NRG4: variants seen among roughly 807,000 people sequenced by gnomAD.
NRG4 encodes the protein pro-neuregulin-4, membrane-bound isoform.
NRG4 carries 10 observed loss-of-function variants against 15.0 expected under a neutral mutation model. The observed-to-expected ratio is 0.67, with a 90% CI of 0.41 to 1.13. The LOEUF is 1.13. Ranked by LOEUF, NRG4 falls within the 50% of genes most tolerant of loss-of-function variation. The pLI, the probability that NRG4 is intolerant of heterozygous loss-of-function variation, is 0.00. For missense variants in NRG4, 139 were observed against 140.2 expected, an observed-to-expected ratio of 0.99 and a Z score of 0.04; for synonymous variants, 41 against 50.1, an observed-to-expected ratio of 0.82 and a Z score of 0.77.
At chr15:76,011,483 A>G (rs1337652932) in intron 1 of NRG4, among the ~76,000 whole-genome samples, 197 bp from the exon 2 acceptor site, 3 of 152,192 alleles carry the variant, frequency 2.0e-5, no homozygotes, top group Non-Finnish European at 4.4e-5. Context: ...GAACAAAACT[A>G]AAAGATCAAT....
At chr15:75,969,471 C>T (rs767632182) in intron 3 of NRG4, among the ~76,000 whole-genome samples, 3 of 152,180 alleles carry the variant, frequency 2.0e-5, no homozygotes, top group Non-Finnish European at 4.4e-5. Flanking sequence ...TTAGAGTATA[C>T]GTTGCCTTTC....
chr15:76,042,651 T>C lies in NRG4; in HGVS notation c.-104-6660A>G, dbSNP rs559572710. ...AACAGACTAATAACAACTAATAAGA[T>C]AGAAGCCATATTAAGAAGTCTCCCA... is the stretch of plus-strand genomic sequence containing the variant. On this transcript the variant is annotated intron_variant, in intron 4 of 8. Coordinates refer to the NRG4 transcript ENST00000563910. Among the ~76,000 whole-genome samples, 34 of 152,180 alleles carry C rather than the reference T, an allele frequency of 2.2e-4. No individual in the cohort carries two copies. The South Asian group carries it at 5.6e-3, about 25-fold the overall frequency.
upstream of NRG4, chr15:76,012,548 A>C (rs2034848815): frequency 6.6e-6 from 1 of 152,208 alleles, no homozygotes; most frequent in South Asian, 2.1e-4. Context: ...CAAATGGAGC[A>C]GAATTTTATT....
intron 3 of NRG4, among the ~76,000 whole-genome samples, chr15:75,964,152 A>AAC (rs150729499): frequency 7.9e-5 from 12 of 151,132 alleles, no homozygotes; most frequent in South Asian, 2.1e-4. Context: ...AACACACATA[A>AAC]ACACACACAC....
rs557316108 is a variant in NRG4, at chr15:76,046,620, A to G, written c.-105+5447T>C. Among the ~76,000 whole-genome samples, 11 of 151,454 alleles carry G rather than the reference A, an allele frequency of 7.3e-5. No individual in the cohort carries two copies. The South Asian group carries it at 2.1e-3, about 29-fold the overall frequency. ...ATGGGGAAAGGTTACCAGATGCAGA[A>G]GAATTTAACTAGACCCCTAGCTGTC... On this transcript the variant is annotated intron_variant, in intron 4 of 8. Coordinates refer to the NRG4 transcript ENST00000563910.
rs1475581350 is a variant in NRG4, at chr15:75,944,763, GT to G, written c.332-1110del. The stretch of plus-strand genomic sequence containing the variant: ...CATTTAGTAAAAGGCTTTTGTGTGT[GT>G]GTGTGGGGGGGTGGTTATTTGCTTA... On this transcript the variant is annotated intron_variant, in intron 5 of 5. Transcript: ENST00000394907. Among the ~76,000 whole-genome samples, 62 of 150,806 alleles carry G rather than the reference GT, an allele frequency of 4.1e-4. 1 individual carries two copies. The highest frequency in any genetic ancestry group is 1.4e-3 in the African/African-American group (57 of 40,438).
At chr15:76,017,155 CT>C (rs66838505), upstream of NRG4, among the ~76,000 whole-genome samples, 129 of 52,306 alleles carry the variant, frequency 2.5e-3, 2 homozygotes, top group African/African-American at 3.2e-3. Flanking sequence ...CAACCCCTGC[CT>C]TTTTTTTTTT....
At chr15:76,037,993 T>A (rs1191612320) in intron 4 of NRG4, among the ~76,000 whole-genome samples, 1 of 152,146 alleles carries the variant, frequency 6.6e-6, no homozygotes, top group South Asian at 2.1e-4. Context: ...ATGACATTTC[T>A]AGACACACCC....
At chr15:76,055,137 G>A in intron 2 of NRG4, among the ~76,000 whole-genome samples, 1 of 152,086 alleles carries the variant, frequency 6.6e-6, no homozygotes, top group Non-Finnish European at 1.5e-5. Flanking sequence ...ACAAAAATTA[G>A]CAAGGCGTGG....
At chr15:75,944,525 A>G (rs767333849) in intron 5 of NRG4, among the ~76,000 whole-genome samples, 1 of 152,250 alleles carries the variant, frequency 6.6e-6, no homozygotes, top group Non-Finnish European at 1.5e-5. Flanking sequence ...ACAAGGCGAC[A>G]TGAATAAACC....
In NRG4 at chr15:75,941,967, CCTAG is replaced by C. The variant is rs1423435734; in HGVS notation, c.*1667_*1670del. The stretch of plus-strand genomic sequence containing the variant: ...AAAAAAAAAAAAAAAAAAAATATGG[CCTAG>C]CTTTTTTTTTTTTTTTTAAAAAGGG... On this transcript the variant is annotated 3_prime_UTR_variant, in exon 6 of 6. Coordinates refer to ENST00000394907, the MANE Select transcript of NRG4 (RefSeq NM_138573.4). 1 of 108,852 alleles carries C rather than the reference CCTAG, an allele frequency of 9.2e-6. No homozygotes were observed. The highest frequency in any genetic ancestry group is 1.9e-5 in the Non-Finnish European group (1 of 51,580). The allele number at this position is 108,852 out of a possible 1,614,324, so 6.7% of individuals were successfully genotyped here.
chr15:76,013,982 C>T (rs570201651), upstream of NRG4, among the ~76,000 whole-genome samples: 185 of 152,300 alleles, frequency 1.2e-3, 1 homozygote, highest in African/African-American at 4.2e-3. Flanking sequence ...ATTCTTATTT[C>T]TTCACATCCT....
At chr15:75,978,425 A>G (rs2033460281) in intron 3 of NRG4, among the ~76,000 whole-genome samples, 1 of 151,944 alleles carries the variant, frequency 6.6e-6, no homozygotes, top group Admixed American at 6.6e-5. Flanking sequence ...CTATACCTAC[A>G]TTTTCTTTAT....
chr15:75,973,866 A>G (rs1371455689), intron 3 of NRG4, among the ~76,000 whole-genome samples: 1 of 152,170 alleles, frequency 6.6e-6, no homozygotes, highest in African/African-American at 2.4e-5. Flanking sequence ...TGGTATCAAG[A>G]TGATGCTGGC....
chr15:75,996,815 C>T lies in NRG4; in HGVS notation c.104+12385G>A, dbSNP rs62027607. ...TTCTAGATCAAACCTTGAATGTTTT[C>T]GGTGAAATGTATTATAGGAATTATA... On this transcript the variant is annotated intron_variant, in intron 3 of 5. Coordinates refer to ENST00000394907, the MANE Select transcript of NRG4 (RefSeq NM_138573.4). Among the ~76,000 whole-genome samples, 505 of 152,038 alleles carry T rather than the reference C, an allele frequency of 3.3e-3. 3 individuals are homozygous for T. Among genetic ancestry groups the T allele is most frequent in the Non-Finnish European group, 5.6e-3 (381 of 67,970 alleles).
chr15:75,967,906 T>A (rs2032895425), intron 3 of NRG4, among the ~76,000 whole-genome samples: 3 of 152,246 alleles, frequency 2.0e-5, no homozygotes, highest in African/African-American at 7.2e-5. Context: ...AGGAAGGATA[T>A]TGTTTATAAT....
At chr15:75,976,022 C>T (rs1413174399) in intron 3 of NRG4, among the ~76,000 whole-genome samples, 3 of 151,996 alleles carry the variant, frequency 2.0e-5, no homozygotes, top group African/African-American at 7.2e-5. Context: ...TTCACATAGT[C>T]CCATATTTCG....
At chr15:76,028,903 C>CAAAAAA (rs34533266) in intron 5 of NRG4, among the ~76,000 whole-genome samples, 1 of 54,300 alleles carries the variant, frequency 1.8e-5, no homozygotes, top group Non-Finnish European at 3.6e-5. Flanking sequence ...ACTCCTCCTC[C>CAAAAAA]AAAAAAAAAA....
At chr15:76,011,662 C>G (rs923372241) in intron 1 of NRG4, among the ~76,000 whole-genome samples, 5 of 152,046 alleles carry the variant, frequency 3.3e-5, no homozygotes, top group Non-Finnish European at 7.4e-5. Flanking sequence ...TGAACTGAAC[C>G]TTTAAAACTT....
Sources: allele counts gnomAD v4.1 joint callset (sites outside exome capture counted in the v4.1 genomes callset), GRCh38; gene constraint gnomAD v4.1.1; transcripts MANE v1.5; gene names NCBI Gene and HGNC (gene_info 2026-07-23, HGNC 2026-07-21).